The following LFNG variants were observed in gnomAD, a reference collection of about 807,000 sequenced individuals.
LFNG encodes the protein beta-1,3-N-acetylglucosaminyltransferase lunatic fringe.
Under a neutral mutation model 32.7 loss-of-function variants are expected in LFNG, and 15 were observed. That is an observed-to-expected ratio of 0.46 (90% confidence interval 0.31 to 0.71). LFNG has a LOEUF of 0.71. Among genes scored for constraint, LFNG ranks in the 30% least tolerant of loss-of-function variants. The pLI is 0.06. For missense variants in LFNG, 520 were observed against 545.7 expected (o/e 0.95, Z 0.47); for synonymous variants, 274 against 246.8 (o/e 1.11, Z -1.03).
chr7:2,513,230 T>C (rs558406799), upstream of LFNG: 163 of 1,608,698 alleles, frequency 1.0e-4, no homozygotes, highest in Non-Finnish European at 1.4e-4. Flanking sequence ...GATGGAAGGA[T>C]GGACGGACAG....
In LFNG at chr7:2,512,771, G is replaced by A. The variant is rs924985021; in HGVS notation, c.47+70G>A. 6 of 1,414,250 alleles carry A rather than the reference G, an allele frequency of 4.2e-6. No homozygotes were observed. The African/African-American group carries it at 8.5e-5, about 20-fold the overall frequency. The allele number at this position is 1,414,250 out of a possible 1,614,324, so 87.6% of individuals were successfully genotyped here. On this transcript the variant is annotated intron_variant, in intron 1 of 8. Transcript: ENST00000402506. Reference sequence around the variant, plus strand: ...CGTCCCTCTTGCTCGTGAACCTGGAGCCCCCTATGTCTCCCCCAGTACCCC... The same window carrying A: ...CGTCCCTCTTGCTCGTGAACCTGGAACCCCCTATGTCTCCCCCAGTACCCC...
At chr7:2,524,169 G>A (rs900518769) in intron 1 of LFNG, among the ~76,000 whole-genome samples, 2 of 152,202 alleles carry the variant, frequency 1.3e-5, no homozygotes, top group Non-Finnish European at 2.9e-5. Flanking sequence ...GCCAGGGCTT[G>A]GCAGCCGCCC....
chr7:2,514,198 G>C (rs189296091), upstream of LFNG, among the ~76,000 whole-genome samples: 23 of 152,360 alleles, frequency 1.5e-4, no homozygotes, highest in Middle Eastern at 3.4e-3. Context: ...GCCCTGCCAG[G>C]TCTTCTCACC....
chr7:2,516,271 A>G (rs79559945), upstream of LFNG, among the ~76,000 whole-genome samples: 9 of 152,346 alleles, frequency 5.9e-5, no homozygotes, highest in African/African-American at 1.9e-4. Flanking sequence ...GCCGCTCTCC[A>G]TCAGCCGATG....
chr7:2,514,552 G>GTCCATCCATCCATCCA (rs71026525), upstream of LFNG, among the ~76,000 whole-genome samples: 2 of 148,022 alleles, frequency 1.4e-5, no homozygotes, highest in African/African-American at 5.0e-5. Context: ...CCATCCATCT[G>GTCCATCCATCCATCCA]TCCATCCATC....
At chr7:2,525,085 G>A (rs1009840109) in intron 2 of LFNG, 134 bp from the exon 3 acceptor site, 2 of 807,720 alleles carry the variant, frequency 2.5e-6, no homozygotes, top group South Asian at 1.5e-5. Context: ...CTAGGGTGGG[G>A]GAGGCTACGG....
At chr7:2,517,962 G>A (rs533741490), upstream of LFNG, 12 of 1,127,848 alleles carry the variant, frequency 1.1e-5, no homozygotes, top group Middle Eastern at 3.5e-4. Context: ...AGGAGTGGGT[G>A]GGATGGGGGT....
Position 2,528,352 on chromosome 7 carries a change from G to T in LFNG, c.*1140G>T, listed in dbSNP as rs1484765950. 1 of 986,110 alleles carries T rather than the reference G, an allele frequency of 1.0e-6. No homozygotes were observed. The highest frequency in any genetic ancestry group is 1.2e-6 in the Non-Finnish European group (1 of 830,076). 61.1% of individuals were successfully genotyped at this position (986,110 alleles called of 1,614,324 possible). ...ATAGCTAGGAAAGCGAATGATAAGGGAAAAGTTCTCAGGGAATTGAAGTGT... is the reference window on the plus strand; with the variant it reads ...ATAGCTAGGAAAGCGAATGATAAGGTAAAAGTTCTCAGGGAATTGAAGTGT... On this transcript the variant is annotated 3_prime_UTR_variant, in exon 8 of 8. Coordinates refer to ENST00000222725, the MANE Select transcript of LFNG (RefSeq NM_001040167.2).
chr7:2,528,495 G>C (rs984428762), downstream of LFNG: 1 of 899,652 alleles, frequency 1.1e-6, no homozygotes, highest in Non-Finnish European at 1.3e-6. Context: ...GTCAGGAGAG[G>C]CACACAGGTG....
In LFNG at chr7:2,525,208, C is replaced by T; in HGVS notation, c.482-11C>T. On this transcript the variant is annotated splice_polypyrimidine_tract_variant and intron_variant, in intron 2 of 7. Transcript: ENST00000222725. ...GCTCAGACCTACTCACAGCCGCTCC[C>T]CTGTCCACAGGCAACGTGGTCATCA... The T allele has an allele frequency of 6.2e-7, 1 of 1,611,800 alleles. No individual in the cohort carries two copies. Among genetic ancestry groups the T allele is most frequent in the Non-Finnish European group, 8.5e-7 (1 of 1,179,164 alleles).
Position 2,524,724 on chromosome 7 carries a change from G to GGCCCTGGCCAGGCACACGGGTGA in LFNG, c.470_481+11dup. 1 of 1,590,770 alleles carries GGCCCTGGCCAGGCACACGGGTGA rather than the reference G, an allele frequency of 6.3e-7. No homozygotes were observed. Among genetic ancestry groups the GGCCCTGGCCAGGCACACGGGTGA allele is most frequent in the Non-Finnish European group, 8.6e-7 (1 of 1,168,822 alleles). Reference sequence around the variant, plus strand: ...TCATCTTCACTGACGGGGAAGATGAGGCCCTGGCCAGGCACACGGGTGAGC... The same window carrying GGCCCTGGCCAGGCACACGGGTGA: ...TCATCTTCACTGACGGGGAAGATGAGGCCCTGGCCAGGCACACGGGTGAGCCCTGGCCAGGCACACGGGTGAGC... On this transcript the variant is annotated frameshift_variant, in exon 2 of 8. Coordinates refer to ENST00000222725, the MANE Select transcript of LFNG (RefSeq NM_001040167.2). LOFTEE classifies it high-confidence loss of function.
chr7:2,527,618 G>A lies in LFNG; in HGVS notation c.*406G>A. On this transcript the variant is annotated 3_prime_UTR_variant, in exon 8 of 8. Transcript: ENST00000222725. This position sits in a 1 kb window ranked among gnomAD's most constrained non-coding sequence, Gnocchi z 4.4. ...CCTGCTGACCACAAGCTCTGTGCTGGGGGTACCTGTGCCCTGAAGTCCTGG... is the reference window on the plus strand; with the variant it reads ...CCTGCTGACCACAAGCTCTGTGCTGAGGGTACCTGTGCCCTGAAGTCCTGG... 1.7e-6 allele frequency: 2 copies of A among 1,176,420 alleles called. No homozygotes were observed. The highest frequency in any genetic ancestry group is 2.1e-6 in the Non-Finnish European group (2 of 937,216). The allele number at this position is 1,176,420 out of a possible 1,614,324, so 72.9% of individuals were successfully genotyped here. A position where few individuals can be genotyped will look rare whatever the true frequency, so the allele number is the denominator to read the frequency against.
chr7:2,519,652 G>A (rs1779723222), upstream of LFNG, among the ~76,000 whole-genome samples: 1 of 149,802 alleles, frequency 6.7e-6, no homozygotes, highest in Non-Finnish European at 1.5e-5. Context: ...GCCCCACGTG[G>A]GTCTGCGGGC....
chr7:2,525,499 G>A lies in LFNG; in HGVS notation c.667G>A (p.Val223Ile), dbSNP rs142596712. Residue 223 changes from valine to isoleucine, a missense_variant, in exon 4 of 8, where the codon GTC becomes ATC. By Grantham distance (29) the Val-to-Ile change is conservative. Transcript: ENST00000222725. ...LLASYPHTRDVYVGKPSLDRP... is the reference protein window; with the variant it reads ...LLASYPHTRDIYVGKPSLDRP... ...GGCCAGCTACCCGCACACGCGGGAC[G>A]TCTACGTCGGCAAGCCCAGCCTGGA... 2,908 of 1,612,378 alleles carry A rather than the reference G, an allele frequency of 1.8e-3. 3 individuals are homozygous for A. Among genetic ancestry groups the A allele is most frequent in the Non-Finnish European group, 2.3e-3 (2,738 of 1,179,878 alleles).
chr7:2,524,672 G>A (rs768615365), intron 1 of LFNG, 23 bp from the exon 2 acceptor site: 2 of 1,572,572 alleles, frequency 1.3e-6, no homozygotes, highest in Non-Finnish European at 1.7e-6. Context: ...GCTGCCTGCT[G>A]AAGGCCGATT....
chr7:2,519,041 C>T (rs1220838348), upstream of LFNG, among the ~76,000 whole-genome samples: 2 of 152,166 alleles, frequency 1.3e-5, no homozygotes, highest in Admixed American at 6.5e-5. Flanking sequence ...GCCTTTCATC[C>T]GGCGAGGGAA....
chr7:2,512,699 G>A, exon 1 of LFNG: 2 of 1,613,742 alleles, frequency 1.2e-6, no homozygotes, highest in South Asian at 1.1e-5. Flanking sequence ...CGTATTGTAT[G>A]AGGTGGGCCT....
upstream of LFNG, among the ~76,000 whole-genome samples, chr7:2,515,112 A>G: frequency 6.6e-6 from 1 of 151,328 alleles, no homozygotes; most frequent in East Asian, 1.9e-4. Context: ...CTGTCTGCCC[A>G]TCCATCTGCC....
chr7:2,513,243 G>A (rs2128372806), upstream of LFNG: 3 of 1,582,924 alleles, frequency 1.9e-6, no homozygotes, highest in Non-Finnish European at 2.6e-6. Flanking sequence ...ACGGACAGAT[G>A]GACAGATGGA....
Sources: gnomAD v4.1 joint callset for allele counts (sites outside exome capture counted in the v4.1 genomes callset) on GRCh38, gnomAD v4.1.1 for gene constraint, Gnocchi (gnomAD v3.1) non-coding constraint, MANE v1.5 for transcripts, NCBI Gene and HGNC (gene_info 2026-07-23, HGNC 2026-07-21) for gene names.